The following NID2 variants were observed in gnomAD, a reference collection of about 807,000 sequenced individuals.
NID2 encodes nidogen 2, also known as nidogen-2.
Under a neutral mutation model 145.4 loss-of-function variants are expected in NID2, and 83 were observed. The observed-to-expected ratio is 0.57, with a 90% confidence interval of 0.48 to 0.69. NID2 has a LOEUF of 0.69. NID2 is among the 30% of genes least tolerant of loss of function. The pLI is 0.00. For synonymous variants in NID2, 739 were observed against 701.3 expected, an observed-to-expected ratio of 1.05 and a Z score of -0.85; for missense variants, 1,807 against 1,765.7, an observed-to-expected ratio of 1.02 and a Z score of -0.42.
At chr14:52,014,060 T>TC in intron 16 of NID2, 2 of 598,770 alleles carry the variant, frequency 3.3e-6, no homozygotes, top group Non-Finnish European at 6.0e-6. Flanking sequence ...TATCTGAAAC[T>TC]CCATGAACGA....
Position 52,042,119 on chromosome 14 carries a change from C to T in NID2, c.1811G>A (p.Gly604Asp). 1 of 1,599,382 alleles carries T rather than the reference C, an allele frequency of 6.3e-7. No homozygotes were observed. The highest frequency in any genetic ancestry group is 8.5e-7 in the Non-Finnish European group (1 of 1,171,240). The change falls in exon 7 of 22, where the codon GGC becomes GAC. Residue 604 changes from glycine (G) to aspartate (D), a missense_variant. Physicochemically the swap from Gly to Asp is moderately conservative, Grantham distance 94. Coordinates refer to ENST00000216286, the MANE Select transcript of NID2 (RefSeq NM_007361.4). ...GCCCTACTCACCTGCGAGGCTGAAGCCGTTCTCAGAGCCAGGTTTTTCTAA... is the reference window on the plus strand; with the variant it reads ...GCCCTACTCACCTGCGAGGCTGAAGTCGTTCTCAGAGCCAGGTTTTTCTAA... Reference protein sequence around the residue: ...FALEKPGSENGFSLAGAAFTH... With the variant: ...FALEKPGSENDFSLAGAAFTH...
At chr14:52,026,330 A>C (rs1236276449) in intron 12 of NID2, among the ~76,000 whole-genome samples, 1 of 152,240 alleles carries the variant, frequency 6.6e-6, no homozygotes, top group Non-Finnish European at 1.5e-5. Flanking sequence ...GCAGATGCAC[A>C]CAGCAACACC....
Position 52,006,665 on chromosome 14 carries a change from TA to T in NID2, c.3881-6del, listed in dbSNP as rs767531887. 3.3e-5 allele frequency: 53 copies of T among 1,613,102 alleles called. No individual in the cohort carries two copies. The highest frequency in any genetic ancestry group is 4.3e-5 in the Non-Finnish European group (51 of 1,179,410). On this transcript the variant is annotated splice_region_variant and splice_polypyrimidine_tract_variant and intron_variant, in intron 19 of 21. Coordinates refer to ENST00000216286, the MANE Select transcript of NID2 (RefSeq NM_007361.4). ...TACACTCCAGTTTTTTGGTTCCTTT[TA>T]AAACAAAGGGGGAAAATGAGGTCCT...
intron 16 of NID2, among the ~76,000 whole-genome samples, chr14:52,013,806 A>T (rs567678097): frequency 3.5e-4 from 54 of 152,266 alleles, no homozygotes; most frequent in African/African-American, 1.3e-3. Flanking sequence ...AAAGGGACAG[A>T]ACCAAAGTGA....
Position 52,060,161 on chromosome 14 carries a change from A to C in NID2, c.730T>G (p.Leu244Val). ...DLKSEGPYFS[L>V]TSTEQSVKNL... ...TTCACAGACTGTTCAGTGCTAGTCAAGCTGAAATATGGTCCTTCTGACTTC... is the reference window on the plus strand; with the variant it reads ...TTCACAGACTGTTCAGTGCTAGTCACGCTGAAATATGGTCCTTCTGACTTC... Residue 244 changes from leucine (L) to valine (V), a missense_variant, in exon 3 of 22, where the codon TTG (leucine) becomes GTG (valine). By Grantham distance (32) the Leu-to-Val change is conservative. Transcript: ENST00000216286. 6.2e-7 allele frequency: 1 copy of C among 1,613,916 alleles called. No homozygotes were observed. Among genetic ancestry groups the C allele is most frequent in the Non-Finnish European group, 8.5e-7 (1 of 1,179,830 alleles).
chr14:52,007,002 GCT>G (rs1890811389), intron 19 of NID2: 1 of 168,970 alleles, frequency 5.9e-6, no homozygotes, highest in African/African-American at 2.4e-5. Flanking sequence ...CCCTTTGTAA[GCT>G]ATGTCTATAA....
In NID2 at chr14:52,015,080, C is replaced by T. The variant is rs367965530; in HGVS notation, c.3224G>A (p.Arg1075His). 1.1e-5 allele frequency: 18 copies of T among 1,613,868 alleles called. No individual in the cohort carries two copies. In the Admixed American group the frequency reaches 1.2e-4, roughly 10 times the overall value. Residue 1075 changes from arginine (R) to histidine (H), a missense_variant, in exon 15 of 22, where the codon CGC becomes CAC. Coordinates refer to ENST00000216286, the MANE Select transcript of NID2 (RefSeq NM_007361.4). Reference sequence around the variant, plus strand: ...CGCAGGGGTGGTGCCTGGCTGGGAGCGGGTGCCCTGCACCTCTCTGCCATC... The same window carrying T: ...CGCAGGGGTGGTGCCTGGCTGGGAGTGGGTGCCCTGCACCTCTCTGCCATC... ...DKDGREVQGT[R>H]SQPGTTPACI...
At chr14:52,041,675 G>A (rs975306491) in intron 7 of NID2, among the ~76,000 whole-genome samples, 25 of 152,122 alleles carry the variant, frequency 1.6e-4, no homozygotes, top group Non-Finnish European at 2.5e-4. Context: ...CAAGTCTGGG[G>A]TGCACCGGCC....
chr14:52,006,931 T>G, intron 19 of NID2: 1 of 250,696 alleles, frequency 4.0e-6, no homozygotes. Flanking sequence ...CATAATTATT[T>G]TTATAATTTG....
chr14:52,049,538 C>T (rs1052696704), intron 5 of NID2, among the ~76,000 whole-genome samples: 3 of 150,582 alleles, frequency 2.0e-5, no homozygotes, highest in Non-Finnish European at 4.4e-5. Context: ...TGCTTCAGGA[C>T]AGCTGGAGCA....
intron 8 of NID2, 144 bp downstream of exon 8, chr14:52,040,507 A>AT (rs1892240118): frequency 1.5e-5 from 10 of 685,688 alleles, no homozygotes; most frequent in Non-Finnish European, 2.6e-5. Context: ...CATGGTAACA[A>AT]TAAGAGTAAT....
chr14:52,046,742 A>G (rs1032137366), intron 5 of NID2, among the ~76,000 whole-genome samples: 1 of 152,226 alleles, frequency 6.6e-6, no homozygotes, highest in Non-Finnish European at 1.5e-5. Flanking sequence ...TGTAATTACA[A>G]TGGGCTAACT....
At chr14:52,061,008 G>C (rs1252204756) in intron 2 of NID2, among the ~76,000 whole-genome samples, 1 of 152,118 alleles carries the variant, frequency 6.6e-6, no homozygotes, top group Non-Finnish European at 1.5e-5. Flanking sequence ...GTGGTGGTGG[G>C]CCAGCCAGCT....
chr14:52,034,144 G>A (rs996197444), intron 9 of NID2, among the ~76,000 whole-genome samples: 3 of 152,054 alleles, frequency 2.0e-5, no homozygotes, highest in East Asian at 3.8e-4. Context: ...GGGTGGGAGG[G>A]AAAATCATAA....
In NID2 at chr14:52,054,155, C is replaced by A; in HGVS notation, c.934G>T (p.Glu312Ter). 6.2e-7 allele frequency: 1 copy of A among 1,614,148 alleles called. No homozygotes were observed. The highest frequency in any genetic ancestry group is 8.5e-7 in the Non-Finnish European group (1 of 1,180,024). ...ACATCATAGTAATCCAAATTGTCCT[C>A]ATTATAGTCACTTTCCAGGGCTGTA... is the stretch of plus-strand genomic sequence containing the variant. ...HATALESDYN[E>*]DNLDYYDVNE... Residue 312 changes from glutamate to a stop codon, truncating the protein, a stop_gained, in exon 4 of 22, where the codon GAG (glutamate) becomes TAG (stop). Transcript: ENST00000216286. LOFTEE classifies it high-confidence loss of function.
intron 12 of NID2, among the ~76,000 whole-genome samples, chr14:52,022,233 A>T (rs539477183): frequency 2.9e-4 from 44 of 150,622 alleles, no homozygotes; most frequent in African/African-American, 1.1e-3. Context: ...CTCCCCACAG[A>T]TACTGTTGGC....
chr14:52,010,752 T>C, intron 18 of NID2, 124 bp downstream of exon 18: 1 of 928,720 alleles, frequency 1.1e-6, no homozygotes. Flanking sequence ...CAGTAAATCT[T>C]TGTTACATGA....
chr14:52,068,905 C>A lies in NID2; in HGVS notation c.90G>T (p.Ala30=), dbSNP rs779213266. The change falls in exon 1 of 22, where the codon GCG becomes GCT. Residue 30 remains alanine, a synonymous_variant. Coordinates refer to ENST00000216286, the MANE Select transcript of NID2 (RefSeq NM_007361.4). The part of the protein sequence containing the change: ...LLPLLMLRAA[A]LHPDELFPHG... The stretch of plus-strand genomic sequence containing the variant: ...GTGGGAAGAGCTCGTCTGGGTGCAG[C>A]GCCGCGGCCCGCAACATTAGCAACG... 1.9e-5 allele frequency: 30 copies of A among 1,613,916 alleles called. 1 individual carries two copies. In the Middle Eastern group the frequency reaches 6.6e-4, roughly 35 times the overall value.
At chr14:52,065,510 A>ATTTT (rs1283485957) in intron 2 of NID2, among the ~76,000 whole-genome samples, 1 of 71,316 alleles carries the variant, frequency 1.4e-5, no homozygotes, top group African/African-American at 5.1e-5. Context: ...TTATTTATTT[A>ATTTT]TTTTTTATTA....
Sources: gnomAD v4.1 joint callset for allele counts (sites outside exome capture counted in the v4.1 genomes callset) on GRCh38, gnomAD v4.1.1 for gene constraint, MANE v1.5 for transcripts, NCBI Gene and HGNC (gene_info 2026-07-23, HGNC 2026-07-21) for gene names.